The following OTOP1 variants were observed in gnomAD, a reference collection of about 807,000 sequenced individuals.
The protein encoded by OTOP1 is otopetrin 1, also known as proton channel OTOP1.
A neutral mutation model predicts 52.9 loss-of-function variants in OTOP1; 59 were observed. That is an observed-to-expected ratio of 1.12 (90% CI 0.91 to 1.39). The LOEUF is 1.39. Ranked by LOEUF, OTOP1 falls within the 40% of genes most tolerant of loss-of-function variation. The pLI is 0.00. For synonymous variants in OTOP1, 317 were observed against 337.7 expected (o/e 0.94, Z 0.67); for missense variants, 761 against 800.9 (o/e 0.95, Z 0.60).
At chr4:4,214,325 G>C (rs1182749785) in intron 1 of OTOP1, among the ~76,000 whole-genome samples, 4 of 152,102 alleles carry the variant, frequency 2.6e-5, no homozygotes, top group Non-Finnish European at 5.9e-5. Context: ...CATTGGTGAG[G>C]ATATAGAGAA....
Position 4,188,868 on chromosome 4 carries a change from G to C in OTOP1, c.1774C>G (p.Pro592Ala), listed in dbSNP as rs79218997. 1.2e-6 allele frequency: 2 copies of C among 1,613,882 alleles called. No individual in the cohort carries two copies. The highest frequency in any genetic ancestry group is 1.1e-5 in the South Asian group (1 of 91,058). The change falls in exon 6 of 6, where the codon CCT (proline) becomes GCT (alanine). Residue 592 changes from proline (P) to alanine (A), a missense_variant. Transcript: ENST00000296358. ...PWIIVVNLAMPFSIFYRMHAA... is the reference protein window; with the variant it reads ...PWIIVVNLAMAFSIFYRMHAA... ...TGCATTCGATAGAAAATAGAAAAAG[G>C]CATGGCCAGGTTGACCACAATTATC... is the stretch of plus-strand genomic sequence containing the variant.
chr4:4,199,636 C>T (rs1311774091), intron 4 of OTOP1, among the ~76,000 whole-genome samples: 6 of 152,288 alleles, frequency 3.9e-5, no homozygotes, highest in Admixed American at 6.5e-5. Context: ...TGGTCTTGAA[C>T]TCCTGAGCTC....
chr4:4,201,515 T>A lies in OTOP1; in HGVS notation c.730+933A>T, dbSNP rs149708877. Among the ~76,000 whole-genome samples, 704 of 123,372 alleles carry A rather than the reference T, an allele frequency of 5.7e-3. 6 individuals are homozygous for A. The highest frequency in any genetic ancestry group is 0.021 in the African/African-American group (680 of 32,202). The allele number at this position is 123,372 out of a possible 152,430, so 80.9% of individuals were successfully genotyped here. A position where few individuals can be genotyped will look rare whatever the true frequency, so the allele number is the denominator to read the frequency against. On this transcript the variant is annotated intron_variant, in intron 4 of 5. Transcript: ENST00000296358. Reference sequence around the variant, plus strand: ...ACACACACACATACACACACACATATATAGCCTACCAGAGAGATTGATACC... The same window carrying A: ...ACACACACACATACACACACACATAAATAGCCTACCAGAGAGATTGATACC...
At position 4,212,777 on chromosome 4, in the gene OTOP1, C is replaced by G. The variant is rs956304221; in HGVS notation, c.540+91G>C. 4.4e-5 allele frequency: 64 copies of G among 1,442,382 alleles called. No individual in the cohort carries two copies. The African/African-American group carries it at 8.7e-4, about 20-fold the overall frequency. The allele number at this position is 1,442,382 out of a possible 1,614,324, so 89.3% of individuals were successfully genotyped here. ...TTCACAGCTGTGCACACTGTCTCCACCTGCCACACGTCTTGATGTTACAAG... is the reference window on the plus strand; with the variant it reads ...TTCACAGCTGTGCACACTGTCTCCAGCTGCCACACGTCTTGATGTTACAAG... On this transcript the variant is annotated intron_variant, in intron 2 of 5. Coordinates refer to ENST00000296358, the MANE Select transcript of OTOP1 (RefSeq NM_177998.3).
chr4:4,219,871 A>G (rs529702617), intron 1 of OTOP1, among the ~76,000 whole-genome samples: 70 of 146,654 alleles, frequency 4.8e-4, no homozygotes, highest in African/African-American at 1.5e-3. Flanking sequence ...ATATGTATAC[A>G]TATATGTATA....
chr4:4,201,467 T>TACACACACACACAC lies in OTOP1; in HGVS notation c.730+980_730+981insGTGTGTGTGTGTGT, dbSNP rs374925758. ...AATAGAATAAATAAATAAATATATA[T>TACACACACACACAC]ATATACACACACACACACACACACA... is the stretch of plus-strand genomic sequence containing the variant. On this transcript the variant is annotated intron_variant, in intron 4 of 5. Coordinates refer to ENST00000296358, the MANE Select transcript of OTOP1 (RefSeq NM_177998.3). Among the ~76,000 whole-genome samples, 378 of 126,350 alleles carry TACACACACACACAC rather than the reference T, an allele frequency of 3.0e-3. 2 individuals carry two copies. Among genetic ancestry groups the TACACACACACACAC allele is most frequent in the South Asian group, 4.9e-3 (18 of 3,656 alleles). The allele number at this position is 126,350 out of a possible 152,430, so 82.9% of individuals were successfully genotyped here.
chr4:4,195,742 C>T (rs1716609703), intron 5 of OTOP1, among the ~76,000 whole-genome samples: 1 of 152,224 alleles, frequency 6.6e-6, no homozygotes, highest in African/African-American at 2.4e-5. Context: ...ACCAAAAGCA[C>T]TCCTGATTGA....
rs912534541 is a variant in OTOP1, at chr4:4,226,408, A to C, written c.403+54T>G. The C allele has an allele frequency of 4.4e-6, 6 of 1,376,082 alleles. No homozygotes were observed. In the Admixed American group the frequency reaches 2.0e-4, roughly 46 times the overall value. 85.2% of individuals were successfully genotyped at this position (1,376,082 alleles called of 1,614,324 possible). On this transcript the variant is annotated intron_variant, in intron 1 of 5. Coordinates refer to ENST00000296358, the MANE Select transcript of OTOP1 (RefSeq NM_177998.3). ...AGGAAGGGCGCAGAGCAGCCTCAGG[A>C]TGCAGCCAGCGGGCGAGGAGGCGGA... is the stretch of plus-strand genomic sequence containing the variant.
intron 5 of OTOP1, among the ~76,000 whole-genome samples, chr4:4,196,205 G>T (rs1169250785): frequency 1.3e-5 from 2 of 151,552 alleles, no homozygotes; most frequent in Admixed American, 1.3e-4. Flanking sequence ...GATTGTTTGA[G>T]CCCAGGAGTT....
chr4:4,216,127 G>A (rs1297542004), intron 1 of OTOP1, among the ~76,000 whole-genome samples: 1 of 152,076 alleles, frequency 6.6e-6, no homozygotes, highest in Admixed American at 6.6e-5. Flanking sequence ...AAAATAGATG[G>A]GTAAGGGCTC....
chr4:4,216,671 C>T (rs1425320942), intron 1 of OTOP1, among the ~76,000 whole-genome samples: 2 of 152,162 alleles, frequency 1.3e-5, no homozygotes, highest in Non-Finnish European at 1.5e-5. Context: ...GAGATTCGAT[C>T]CCAGTGCTTT....
intron 5 of OTOP1, among the ~76,000 whole-genome samples, chr4:4,192,373 C>T (rs1322875276): frequency 6.6e-6 from 1 of 152,200 alleles, no homozygotes; most frequent in Non-Finnish European, 1.5e-5. Flanking sequence ...CTGTGAGGAA[C>T]AGAACTGCCT....
chr4:4,215,437 G>A (rs1717120347), intron 1 of OTOP1, among the ~76,000 whole-genome samples: 1 of 152,134 alleles, frequency 6.6e-6, no homozygotes, highest in South Asian at 2.1e-4. Flanking sequence ...TGAGGCGGGT[G>A]GATCACCTGA....
intron 1 of OTOP1, among the ~76,000 whole-genome samples, chr4:4,218,407 C>G (rs1302522720): frequency 6.8e-6 from 1 of 146,786 alleles, no homozygotes; most frequent in African/African-American, 2.6e-5. Flanking sequence ...AAAAAAAAAC[C>G]TAAGTTGGAA....
intron 2 of OTOP1, among the ~76,000 whole-genome samples, chr4:4,208,658 G>A (rs1716960872): frequency 6.6e-6 from 1 of 151,992 alleles, no homozygotes. Context: ...TGGGCTCAGA[G>A]TTTCAGTTTT....
intron 5 of OTOP1, among the ~76,000 whole-genome samples, chr4:4,192,219 C>T (rs1364262030): frequency 2.6e-5 from 4 of 152,088 alleles, no homozygotes; most frequent in African/African-American, 7.2e-5. Context: ...GTACGGAGTC[C>T]GACCACCCTG....
At chr4:4,195,789 A>T (rs1466523913) in intron 5 of OTOP1, among the ~76,000 whole-genome samples, 2 of 152,172 alleles carry the variant, frequency 1.3e-5, no homozygotes, top group South Asian at 4.1e-4. Context: ...TACTCACTGA[A>T]GTCCTTCTGG....
chr4:4,201,652 C>T (rs1414124045), intron 4 of OTOP1, among the ~76,000 whole-genome samples: 2 of 152,000 alleles, frequency 1.3e-5, no homozygotes, highest in Non-Finnish European at 2.9e-5. Context: ...TCCAGGACAG[C>T]CTGGGTTTAC....
At chr4:4,226,036 G>A (rs1717425028) in intron 1 of OTOP1, among the ~76,000 whole-genome samples, 1 of 152,232 alleles carries the variant, frequency 6.6e-6, no homozygotes, top group Non-Finnish European at 1.5e-5. Context: ...TGCGATGGGC[G>A]AGAAAGTTCG....
Sources: gnomAD v4.1 joint callset for allele counts (sites outside exome capture counted in the v4.1 genomes callset) on GRCh38, gnomAD v4.1.1 for gene constraint, MANE v1.5 for transcripts, NCBI Gene and HGNC (gene_info 2026-07-23, HGNC 2026-07-21) for gene names.